The following TMPRSS2 variants were observed in gnomAD, a reference collection of about 807,000 sequenced individuals.
TMPRSS2 encodes the protein transmembrane protease serine 2.
Under a neutral mutation model 67.4 loss-of-function variants are expected in TMPRSS2, and 59 were observed. That is an observed-to-expected ratio of 0.88 (90% CI 0.71 to 1.09). The LOEUF is 1.09. Ranked by LOEUF, TMPRSS2 falls within the 50% of genes least tolerant of loss-of-function variation. The pLI, the probability that TMPRSS2 is intolerant of heterozygous loss-of-function variation, is 0.00. For missense variants in TMPRSS2, 668 were observed against 642.7 expected (o/e 1.04, Z -0.43); for synonymous variants, 257 against 257.0 (o/e 1.00, Z 0.00).
At chr21:41,490,452 T>C (rs1168909702) in intron 3 of TMPRSS2, among the ~76,000 whole-genome samples, 1 of 152,214 alleles carries the variant, frequency 6.6e-6, no homozygotes, top group Non-Finnish European at 1.5e-5. Context: ...TGCTCAGTCA[T>C]CATATGTGGC....
Position 41,473,479 on chromosome 21 carries a change from T to C in TMPRSS2, c.745A>G (p.Asn249Asp), listed in dbSNP as rs1473161161. ...LRCIACGVNL[N>D]SSRQSRIVGG... Reference sequence around the variant, plus strand: ...ACAATCCTGCTCTGGCGGCTTGAGTTCAAGTTGACCCCGCAGGCTGAGGAT... The same window carrying C: ...ACAATCCTGCTCTGGCGGCTTGAGTCCAAGTTGACCCCGCAGGCTGAGGAT... Residue 249 changes from asparagine to aspartate, a missense_variant, in exon 9 of 14, where the codon AAC becomes GAC. Asn to Asp is a conservative substitution (Grantham distance 23). Transcript: ENST00000332149. 1.2e-6 allele frequency: 2 copies of C among 1,608,786 alleles called. No homozygotes were observed. The highest frequency in any genetic ancestry group is 2.7e-5 in the African/African-American group (2 of 74,980).
chr21:41,479,469 A>T (rs1002439783), intron 6 of TMPRSS2, among the ~76,000 whole-genome samples, 187 bp from the exon 7 acceptor site: 3 of 152,226 alleles, frequency 2.0e-5, no homozygotes, highest in Non-Finnish European at 1.5e-5. Flanking sequence ...CAATAACCCT[A>T]AAGTGTCAGA....
intron 8 of TMPRSS2, among the ~76,000 whole-genome samples, chr21:41,475,618 G>C (rs2091203999): frequency 8.8e-5 from 2 of 22,650 alleles, no homozygotes; most frequent in Non-Finnish European, 2.8e-4. Context: ...AGGAGGTGAG[G>C]AGGTGAGTGA....
intron 5 of TMPRSS2, chr21:41,488,048 CT>C (rs1328699755): frequency 5.4e-6 from 1 of 185,594 alleles, no homozygotes; most frequent in African/African-American, 2.3e-5. Context: ...CTGCCTCGGC[CT>C]CCCAAAGTGC....
In TMPRSS2 at chr21:41,488,576, T is replaced by C. The variant is rs549832756; in HGVS notation, c.326-63A>G. The C allele has an allele frequency of 2.3e-5, 35 of 1,538,718 alleles. No individual in the cohort carries two copies. In the East Asian group the frequency reaches 7.8e-4, roughly 34 times the overall value. The stretch of plus-strand genomic sequence containing the variant: ...GAGAAACGCAATGAGCCTCATGGAG[T>C]GAGGAACACCGTGGCATTACTGTAG... On this transcript the variant is annotated intron_variant, in intron 4 of 13. Transcript: ENST00000332149.
chr21:41,476,471 C>A, intron 8 of TMPRSS2, 106 bp downstream of exon 8: 1 of 1,173,364 alleles, frequency 8.5e-7, no homozygotes, highest in South Asian at 1.2e-5. Flanking sequence ...CCCGTGACCC[C>A]ACCTTCTTCC....
At chr21:41,502,113 G>C (rs1010358001) in intron 1 of TMPRSS2, among the ~76,000 whole-genome samples, 9 of 152,322 alleles carry the variant, frequency 5.9e-5, no homozygotes, top group Non-Finnish European at 4.4e-5. Flanking sequence ...ACTGAGAGCT[G>C]AGTCAGCCCA....
At chr21:41,503,716 A>G (rs992719387) in intron 1 of TMPRSS2, among the ~76,000 whole-genome samples, 2 of 152,196 alleles carry the variant, frequency 1.3e-5, no homozygotes, top group Non-Finnish European at 1.5e-5. Flanking sequence ...CTAAAAATGT[A>G]TGTTTCAAGA....
chr21:41,492,964 T>C (rs1352646204), intron 3 of TMPRSS2, among the ~76,000 whole-genome samples: 3 of 151,946 alleles, frequency 2.0e-5, no homozygotes, highest in Non-Finnish European at 4.4e-5. Context: ...AGATCAGGAG[T>C]TCCCAACCTC....
At chr21:41,504,904 C>T (rs1334756470) in intron 1 of TMPRSS2, among the ~76,000 whole-genome samples, 1 of 152,132 alleles carries the variant, frequency 6.6e-6, no homozygotes, top group Admixed American at 6.5e-5. Context: ...TGGAGGATCC[C>T]CTGGCAGGTG....
intron 3 of TMPRSS2, among the ~76,000 whole-genome samples, chr21:41,492,788 G>A (rs970253287): frequency 6.6e-6 from 1 of 152,304 alleles, no homozygotes; most frequent in Admixed American, 6.5e-5. Context: ...TGTGGGCCAG[G>A]GGTTCGTCTG....
At chr21:41,507,954 C>G in intron 1 of TMPRSS2, 127 bp downstream of exon 1, 1 of 1,480,006 alleles carries the variant, frequency 6.8e-7, no homozygotes, top group Non-Finnish European at 8.9e-7. Flanking sequence ...ACTCACCTGC[C>G]GCGCCGCGCT....
At chr21:41,505,313 T>C (rs2091450271) in intron 1 of TMPRSS2, among the ~76,000 whole-genome samples, 1 of 152,108 alleles carries the variant, frequency 6.6e-6, no homozygotes, top group Admixed American at 6.5e-5. Flanking sequence ...AATGATCCCA[T>C]ATTATTACGA....
chr21:41,473,578 C>A, intron 8 of TMPRSS2, 82 bp from the exon 9 acceptor site: 1 of 1,443,890 alleles, frequency 6.9e-7, no homozygotes, highest in South Asian at 1.3e-5. Flanking sequence ...TCCCAAGGGT[C>A]TCCCAGGCTG....
At position 41,480,570 on chromosome 21, in the gene TMPRSS2, C is replaced by T. The variant is rs12329760; in HGVS notation, c.478G>A (p.Val160Met). Residue 160 changes from valine (V) to methionine (M), a missense_variant, in exon 6 of 14, where the codon GTG becomes ATG. Physicochemically the swap from Val to Met is conservative, Grantham distance 21. Transcript: ENST00000332149. Reference protein sequence around the residue: ...RLYGPNFILQVYSSQRKSWHP... With the variant: ...RLYGPNFILQMYSSQRKSWHP... Reference sequence around the variant, plus strand: ...CAGGACTTCCTCTGAGATGAGTACACCTGAAGGATGAAGTTTGGTCCGTAG... The same window carrying T: ...CAGGACTTCCTCTGAGATGAGTACATCTGAAGGATGAAGTTTGGTCCGTAG... 0.24 allele frequency: 380,433 copies of T among 1,613,468 alleles called. 47,374 individuals are homozygous for T. The highest frequency in any genetic ancestry group is 0.38 in the East Asian group (17,166 of 44,862).
chr21:41,476,619 C>A lies in TMPRSS2; in HGVS notation c.685G>T (p.Asp229Tyr), dbSNP rs143597099. The A allele has an allele frequency of 6.2e-5, 93 of 1,509,614 alleles. No homozygotes were observed. The highest frequency in any genetic ancestry group is 3.6e-6 in the Non-Finnish European group (4 of 1,126,324). The allele number at this position is 1,509,614 out of a possible 1,614,324, so 93.5% of individuals were successfully genotyped here. Residue 229 changes from aspartate to tyrosine, a missense_variant and splice_region_variant, in exon 8 of 14, where the codon GAT becomes TAT. Coordinates refer to ENST00000332149, the MANE Select transcript of TMPRSS2 (RefSeq NM_005656.4). ...ACCACTGCTTTTGAAGAACAGGCAT[C>A]ACTGCAAAAAGAACAGGGGAAATTC... ...VDIYKKLYHS[D>Y]ACSSKAVVSL...
chr21:41,502,369 T>C lies in TMPRSS2; in HGVS notation c.-56-4180A>G, dbSNP rs1016730986. ...GTATTCTCTGCAATGAAGTCTCCAC[T>C]GACCTCACCGTGCACCATTGTGCAC... On this transcript the variant is annotated intron_variant, in intron 1 of 13. Transcript: ENST00000332149. 3.0e-6 allele frequency: 3 copies of C among 984,822 alleles called. No homozygotes were observed. In the African/African-American group the frequency reaches 5.2e-5, roughly 17 times the overall value. The allele number at this position is 984,822 out of a possible 1,614,324, so 61.0% of individuals were successfully genotyped here. A position where few individuals can be genotyped will look rare whatever the true frequency, so the allele number is the denominator to read the frequency against.
In TMPRSS2 at chr21:41,468,758, T is replaced by A. The variant is rs2091105678; in HGVS notation, c.1172-220A>T. 6 of 510,866 alleles carry A rather than the reference T, an allele frequency of 1.2e-5. No homozygotes were observed. The East Asian group carries it at 1.8e-4, about 15-fold the overall frequency. The allele number at this position is 510,866 out of a possible 1,614,324, so 31.6% of individuals were successfully genotyped here. A position where few individuals can be genotyped will look rare whatever the true frequency, so the allele number is the denominator to read the frequency against. ...CCTGTGCTGAATGCAGCTCTGGAGTTCAGCTTCAGGGAAAGAAATTCCCAG... is the reference window on the plus strand; with the variant it reads ...CCTGTGCTGAATGCAGCTCTGGAGTACAGCTTCAGGGAAAGAAATTCCCAG... On this transcript the variant is annotated intron_variant, in intron 11 of 13. Coordinates refer to ENST00000332149, the MANE Select transcript of TMPRSS2 (RefSeq NM_005656.4).
chr21:41,466,611 C>G (rs1353581087), intron 13 of TMPRSS2, among the ~76,000 whole-genome samples: 1 of 152,174 alleles, frequency 6.6e-6, no homozygotes, highest in Non-Finnish European at 1.5e-5. Context: ...AGCACTGGGC[C>G]CTGGGCCAGG....
Sources: gnomAD v4.1 joint callset for allele counts (sites outside exome capture counted in the v4.1 genomes callset) on GRCh38, gnomAD v4.1.1 for gene constraint, MANE v1.5 for transcripts, NCBI Gene and HGNC (gene_info 2026-07-23, HGNC 2026-07-21) for gene names.